SREBF1: variants seen among roughly 807,000 people sequenced by gnomAD.
SREBF1 encodes the protein sterol regulatory element binding transcription factor 1.
SREBF1 carries 45 observed loss-of-function variants against 100.1 expected under a neutral mutation model. The ratio of observed to expected loss-of-function variants is 0.45; its 90% CI spans 0.35 to 0.58. The LOEUF (loss-of-function observed/expected upper bound fraction) is 0.58. Ranked by LOEUF, SREBF1 falls within the 20% of genes least tolerant of loss-of-function variation. The pLI, the probability that SREBF1 is intolerant of heterozygous loss-of-function variation, is 0.00. For synonymous variants in SREBF1, 657 were observed against 681.8 expected (o/e 0.96, Z 0.57); for missense variants, 1,324 against 1,539.4 (o/e 0.86, Z 2.34).
chr17:17,814,450 C>G, intron 15 of SREBF1, 40 bp from the exon 16 acceptor site: 2 of 1,547,994 alleles, frequency 1.3e-6, no homozygotes, highest in Non-Finnish European at 1.7e-6. Flanking sequence ...TCAGACCAGT[C>G]CACAAGCCCT....
At chr17:17,823,639 T>C in intron 1 of SREBF1, 1 of 1,582,832 alleles carries the variant, frequency 6.3e-7, no homozygotes, top group Non-Finnish European at 8.6e-7. Flanking sequence ...TTGAAGCCGT[T>C]GAGCGCTGCG....
rs1237919676 is a variant in SREBF1 at position 17,836,747 on chromosome 17, G to T, written c.71C>A (p.Ala24Glu). 1 of 1,572,354 alleles carries T rather than the reference G, an allele frequency of 6.4e-7. No individual in the cohort carries two copies. Among genetic ancestry groups the T allele is most frequent in the East Asian group, 2.3e-5 (1 of 43,476 alleles). Residue 24 changes from alanine to glutamate, a missense_variant, in exon 1 of 19, where the codon GCG becomes GAG. By Grantham distance (107) the Ala-to-Glu change is moderately radical. Coordinates refer to ENST00000261646, the MANE Select transcript of SREBF1 (RefSeq NM_004176.5). ...CGCACCTTCGATGTCGGTCAGCAGC[G>T]CCGCGTCCAGATCGCACGGCTCGCC... ...ALGEPCDLDA[A>E]LLTDIEDMLQ...
chr17:17,819,148 G>A lies in SREBF1; in HGVS notation c.933C>T (p.Gly311=). ...EKLPINRLAA[G]SKAPASAQSR... Reference sequence around the variant, plus strand: ...TCTGGGCAGAGGCCGGGGCCTTGCTGCCAGCTGCGAGCCGGTTGATAGGCA... The same window carrying A: ...TCTGGGCAGAGGCCGGGGCCTTGCTACCAGCTGCGAGCCGGTTGATAGGCA... Residue 311 remains glycine, a synonymous_variant, in exon 5 of 19, where the codon GGC becomes GGT. Transcript: ENST00000261646. The A allele has an allele frequency of 6.2e-7, 1 of 1,614,164 alleles. No individual in the cohort carries two copies. Among genetic ancestry groups the A allele is most frequent in the Non-Finnish European group, 8.5e-7 (1 of 1,180,050 alleles).
chr17:17,818,022 G>T, intron 6 of SREBF1, 106 bp from the exon 7 acceptor site: 3 of 1,238,164 alleles, frequency 2.4e-6, no homozygotes, highest in Non-Finnish European at 3.5e-6. Context: ...CCTAAAGCTA[G>T]CCCAGGACGC....
intron 1 of SREBF1, among the ~76,000 whole-genome samples, chr17:17,830,828 G>A (rs536935463): frequency 1.1e-4 from 16 of 152,288 alleles, no homozygotes; most frequent in South Asian, 1.0e-3. Flanking sequence ...ACACACAGCC[G>A]CCCCTGTGGA....
chr17:17,812,234 C>T lies in SREBF1; in HGVS notation c.*388G>A. On this transcript the variant is annotated 3_prime_UTR_variant, in exon 19 of 19. Coordinates refer to ENST00000261646, the MANE Select transcript of SREBF1 (RefSeq NM_004176.5). ...CTCTCTCCCACGACGGAGAGAGAGG[C>T]CTCTGGGGCAGAGCCCTGCTTGCAG... 3 of 398,160 alleles carry T rather than the reference C, an allele frequency of 7.5e-6. No individual in the cohort carries two copies. The highest frequency in any genetic ancestry group is 1.4e-5 in the Non-Finnish European group (3 of 216,598). The allele number at this position is 398,160 out of a possible 1,614,324, so 24.7% of individuals were successfully genotyped here. A position where few individuals can be genotyped will look rare whatever the true frequency, so the allele number is the denominator to read the frequency against.
Position 17,813,686 on chromosome 17 carries a change from T to TGGGGCC in SREBF1, c.2979_2984dup (p.Pro995_Ala996dup), listed in dbSNP as rs766697267. On this transcript the variant is annotated inframe_insertion, in exon 17 of 19. Coordinates refer to ENST00000261646, the MANE Select transcript of SREBF1 (RefSeq NM_004176.5). ...GCCTGCTGCTGGTGCCCTGGGCTGC[T>TGGGGCC]GGGGCCGGGGCCGGGGGCTGCTGCT... is the stretch of plus-strand genomic sequence containing the variant. 9.7e-5 allele frequency: 150 copies of TGGGGCC among 1,543,576 alleles called. No individual in the cohort carries two copies. Among genetic ancestry groups the TGGGGCC allele is most frequent in the Middle Eastern group, 5.3e-4 (3 of 5,710 alleles).
Position 17,813,551 on chromosome 17 carries a change from G to A in SREBF1, c.3102+18C>T. ...TGCCTGACTCCCCGTCTTGAGGACA[G>A]GGCCATCGGGCACTCACCCTCCGCA... On this transcript the variant is annotated intron_variant, in intron 17 of 18. Coordinates refer to ENST00000261646, the MANE Select transcript of SREBF1 (RefSeq NM_004176.5). The A allele has an allele frequency of 6.3e-7, 1 of 1,593,828 alleles. No homozygotes were observed. Among genetic ancestry groups the A allele is most frequent in the Non-Finnish European group, 8.5e-7 (1 of 1,171,922 alleles).
chr17:17,820,209 G>A lies in SREBF1; in HGVS notation c.404C>T (p.Pro135Leu), dbSNP rs774786382. The A allele has an allele frequency of 3.1e-6, 5 of 1,613,506 alleles. No homozygotes were observed. The South Asian group carries it at 5.5e-5, about 18-fold the overall frequency. ...GGCCCCTGGCAGGGGCTGTGGGGTG[G>A]GGGTCTGCAGGATGCTCAGTGGCAC... ...ESVPLSILQT[P>L]TPQPLPGALL... The change falls in exon 2 of 19, where the codon CCC becomes CTC. Residue 135 changes from proline to leucine, a missense_variant. Pro to Leu is a moderately conservative substitution (Grantham distance 98, BLOSUM62 -3). Coordinates refer to ENST00000261646, the MANE Select transcript of SREBF1 (RefSeq NM_004176.5).
Position 17,811,495 on chromosome 17 carries a change from G to A in SREBF1, c.*1127C>T, listed in dbSNP as rs1000955288. ...TCCGACCAGATTCAGCTGGGAGCCG[G>A]GCCAGGCTTTAGGTTGGGGAATGGG... is the stretch of plus-strand genomic sequence containing the variant. On this transcript the variant is annotated 3_prime_UTR_variant, in exon 19 of 19. Coordinates refer to ENST00000261646, the MANE Select transcript of SREBF1 (RefSeq NM_004176.5). 2 of 267,910 alleles carry A rather than the reference G, an allele frequency of 7.5e-6. No homozygotes were observed. The highest frequency in any genetic ancestry group is 4.8e-5 in the African/African-American group (2 of 41,484). The allele number at this position is 267,910 out of a possible 1,614,324, so 16.6% of individuals were successfully genotyped here.
At chr17:17,835,883 A>G (rs1417466436) in intron 1 of SREBF1, among the ~76,000 whole-genome samples, 2 of 152,112 alleles carry the variant, frequency 1.3e-5, no homozygotes, top group African/African-American at 2.4e-5. Context: ...ACTCCTTTGC[A>G]AGCCTCTAAC....
At chr17:17,820,656 G>T in intron 1 of SREBF1, 135 bp from the exon 2 acceptor site, 1 of 990,786 alleles carries the variant, frequency 1.0e-6, no homozygotes, top group Non-Finnish European at 1.5e-6. Flanking sequence ...ATGCCACCAG[G>T]ACAGAAAGCC....
At chr17:17,818,098 G>C (rs1478395748) in intron 6 of SREBF1, 162 bp downstream of exon 6, 6 of 849,132 alleles carry the variant, frequency 7.1e-6, no homozygotes, top group Non-Finnish European at 1.1e-5. Flanking sequence ...AGGTAACCAA[G>C]GGACTAGAGC....
At chr17:17,829,203 A>T (rs1293763078) in intron 1 of SREBF1, among the ~76,000 whole-genome samples, 5 of 36,122 alleles carry the variant, frequency 1.4e-4, no homozygotes, top group African/African-American at 5.5e-4. Flanking sequence ...AAAAAAAAAA[A>T]AAATATATAT....
intron 1 of SREBF1, among the ~76,000 whole-genome samples, chr17:17,828,980 G>A (rs567855858): frequency 3.3e-5 from 5 of 151,942 alleles, no homozygotes; most frequent in Admixed American, 2.6e-4. Flanking sequence ...AGATCACGAG[G>A]TCAGGAGATC....
Position 17,815,894 on chromosome 17 carries a change from T to C in SREBF1, c.2349A>G (p.Pro783=). The C allele has an allele frequency of 1.9e-6, 3 of 1,612,906 alleles. No individual in the cohort carries two copies. The change falls in exon 12 of 19, where the codon CCA becomes CCG. Residue 783 remains proline, a synonymous_variant. Transcript: ENST00000261646. ...CGGCCAAGCTGTACAGGCTCTCCCA[T>C]GGGGTACTGAGCACGGACCAGTCCC... ...VDGDWSVLST[P]WESLYSLAGN...
intron 3 of SREBF1, 25 bp downstream of exon 3, chr17:17,819,513 C>T (rs2033921265): frequency 6.2e-7 from 1 of 1,613,338 alleles, no homozygotes; most frequent in Non-Finnish European, 8.5e-7. Flanking sequence ...TGCCCCCTCC[C>T]CAACCCCTGG....
intron 1 of SREBF1, among the ~76,000 whole-genome samples, chr17:17,827,220 T>C (rs1180180278): frequency 6.6e-6 from 1 of 152,126 alleles, no homozygotes; most frequent in East Asian, 1.9e-4. Context: ...CCAACTCAGG[T>C]TGGTCTGTCA....
rs2035273120 is a variant in SREBF1 at position 17,836,825 on chromosome 17, C to T, written c.-8G>A. On this transcript the variant is annotated 5_prime_UTR_variant, in exon 1 of 19. Coordinates refer to ENST00000261646, the MANE Select transcript of SREBF1 (RefSeq NM_004176.5). The stretch of plus-strand genomic sequence containing the variant: ...GAAGGGTGGCTCGTCCATGGCGCAG[C>T]CGCCTCCTCCGGGAGGCCCGCCGGG... 2 of 1,517,584 alleles carry T rather than the reference C, an allele frequency of 1.3e-6. No homozygotes were observed. Among genetic ancestry groups the T allele is most frequent in the Non-Finnish European group, 1.8e-6 (2 of 1,138,296 alleles). 94.0% of individuals were successfully genotyped at this position (1,517,584 alleles called of 1,614,324 possible).
Sources: gnomAD v4.1 joint callset for allele counts (sites outside exome capture counted in the v4.1 genomes callset) on GRCh38, gnomAD v4.1.1 for gene constraint, MANE v1.5 for transcripts, NCBI Gene and HGNC (gene_info 2026-07-23, HGNC 2026-07-21) for gene names.